LRRC8B: variants seen among roughly 807,000 people sequenced by gnomAD.
LRRC8B encodes leucine rich repeat containing 8 VRAC subunit B, also known as volume-regulated anion channel subunit LRRC8B.
Under a neutral mutation model 58.8 loss-of-function variants are expected in LRRC8B, and 23 were observed. That is an observed-to-expected ratio of 0.39 (90% confidence interval 0.28 to 0.55). LRRC8B has a LOEUF of 0.55. LRRC8B is among the 20% of genes least tolerant of loss of function. The pLI, the probability that LRRC8B is intolerant of heterozygous loss-of-function variation, is 0.62. For missense variants in LRRC8B, 694 were observed against 936.0 expected, an observed-to-expected ratio of 0.74 and a Z score of 3.37; for synonymous variants, 359 against 374.1, an observed-to-expected ratio of 0.96 and a Z score of 0.47.
rs61038847 is a variant in LRRC8B, at chr1:89,578,253, G to C, written c.-124-1338G>C. ...GAACTGTATAAGAAGAATCATGGCT[G>C]AGTAACATTTTTGAATTATGCAATA... On this transcript the variant is annotated intron_variant, in intron 3 of 5. Coordinates refer to ENST00000330947, the MANE Select transcript of LRRC8B (RefSeq NM_001369817.2). 1.7e-3 allele frequency among the ~76,000 whole-genome samples: 252 copies of C among 152,282 alleles called. 2 individuals are homozygous for C. In the East Asian group the frequency reaches 0.028, roughly 17 times the overall value.
At chr1:89,569,811 G>A (rs1210722651) in intron 3 of LRRC8B, among the ~76,000 whole-genome samples, 16 of 151,874 alleles carry the variant, frequency 1.1e-4, no homozygotes. Flanking sequence ...TATCAACCAG[G>A]GATTAAGCTG....
intron 5 of LRRC8B, among the ~76,000 whole-genome samples, chr1:89,588,944 C>T (rs749627362): frequency 1.3e-5 from 2 of 151,920 alleles, no homozygotes; most frequent in African/African-American, 2.4e-5. Flanking sequence ...TTTTGTGACC[C>T]GTAAAAATTA....
intron 1 of LRRC8B, among the ~76,000 whole-genome samples, chr1:89,552,845 GA>G (rs1422451482): frequency 6.6e-6 from 1 of 152,172 alleles, no homozygotes; most frequent in Non-Finnish European, 1.5e-5. Flanking sequence ...AGAAAATGAA[GA>G]ATTATGCTTT....
chr1:89,549,747 G>T (rs1006355302), intron 1 of LRRC8B, among the ~76,000 whole-genome samples: 2 of 152,174 alleles, frequency 1.3e-5, no homozygotes, highest in Non-Finnish European at 1.5e-5. Flanking sequence ...TGGAAGGAAG[G>T]TATTAAATGA....
At chr1:89,547,102 A>T (rs1194203722) in intron 1 of LRRC8B, among the ~76,000 whole-genome samples, 2 of 152,202 alleles carry the variant, frequency 1.3e-5, no homozygotes. Flanking sequence ...TGTCTAAGGT[A>T]TCTGCAGAGT....
intron 3 of LRRC8B, among the ~76,000 whole-genome samples, chr1:89,577,352 T>C (rs1653930048): frequency 6.6e-6 from 1 of 152,194 alleles, no homozygotes; most frequent in African/African-American, 2.4e-5. Flanking sequence ...TGGAGTAAGA[T>C]TGTCAAGTGA....
At chr1:89,561,011 A>T (rs1459333142) in intron 1 of LRRC8B, among the ~76,000 whole-genome samples, 1 of 149,662 alleles carries the variant, frequency 6.7e-6, no homozygotes, top group Non-Finnish European at 1.5e-5. Context: ...CAACAGTGTA[A>T]AAGTGTTCCT....
At chr1:89,576,949 CAG>C (rs3068064) in intron 3 of LRRC8B, among the ~76,000 whole-genome samples, 60,118 of 151,840 alleles carry the variant, frequency 0.4, 13,367 homozygotes, top group South Asian at 0.55. Context: ...GCATATTAAT[CAG>C]AGATACTGAT....
At chr1:89,556,416 A>G (rs544574123) in intron 1 of LRRC8B, among the ~76,000 whole-genome samples, 1 of 152,158 alleles carries the variant, frequency 6.6e-6, no homozygotes, top group African/African-American at 2.4e-5. Context: ...TAAATTATCA[A>G]ATTTGAAGAG....
chr1:89,530,754 G>T (rs1650063887), intron 1 of LRRC8B, among the ~76,000 whole-genome samples: 1 of 152,186 alleles, frequency 6.6e-6, no homozygotes, highest in Non-Finnish European at 1.5e-5. Context: ...CCTTCTCAAA[G>T]CGGGTGGACA....
At chr1:89,576,001 CAAA>C (rs923831780) in intron 3 of LRRC8B, among the ~76,000 whole-genome samples, 4 of 152,174 alleles carry the variant, frequency 2.6e-5, no homozygotes, top group African/African-American at 9.7e-5. Context: ...ACACATTAAA[CAAA>C]AGAAAACTGC....
intron 5 of LRRC8B, among the ~76,000 whole-genome samples, chr1:89,590,395 A>G (rs1040274864): frequency 6.6e-6 from 1 of 152,198 alleles, no homozygotes; most frequent in African/African-American, 2.4e-5. Flanking sequence ...GAAAAATTGA[A>G]TGAGAGTAGG....
rs577275303 is a variant in LRRC8B at position 89,595,527 on chromosome 1, A to G, written c.*2484A>G. On this transcript the variant is annotated 3_prime_UTR_variant, in exon 6 of 6. Transcript: ENST00000330947. ...AGAAGTCATTGGCTAAATTTTCCTT[A>G]TCACCTACGTAAATTTCTAGAAGAA... 5.0e-4 allele frequency: 76 copies of G among 152,154 alleles called. No individual in the cohort carries two copies. Among genetic ancestry groups the G allele is most frequent in the Non-Finnish European group, 4.1e-4 (28 of 67,974 alleles). 9.4% of individuals were successfully genotyped at this position (152,154 alleles called of 1,614,324 possible).
chr1:89,584,682 T>C lies in LRRC8B; in HGVS notation c.2032T>C (p.Cys678Arg). 1.2e-6 allele frequency: 2 copies of C among 1,613,962 alleles called. No individual in the cohort carries two copies. The highest frequency in any genetic ancestry group is 2.2e-5 in the East Asian group (1 of 44,882). Residue 678 changes from cysteine (C) to arginine (R), a missense_variant, in exon 5 of 6, where the codon TGC becomes CGC. This residue lies in a region of LRRC8B where 139 missense variants were observed against 158.2 expected (regional missense o/e 0.88). Transcript: ENST00000330947. Reference sequence around the variant, plus strand: ...GAATCTGCCCTTGCAGCTTTTCCTATGCACTAAACTACATTATTTGGATCT... The same window carrying C: ...GAATCTGCCCTTGCAGCTTTTCCTACGCACTAAACTACATTATTTGGATCT... ...IENLPLQLFL[C>R]TKLHYLDLSY...
intron 3 of LRRC8B, among the ~76,000 whole-genome samples, chr1:89,577,254 A>G (rs1323407915): frequency 6.6e-6 from 1 of 152,146 alleles, no homozygotes; most frequent in Non-Finnish European, 1.5e-5. Context: ...TTCACTTGTT[A>G]TTTTAGAAAT....
chr1:89,542,636 A>G (rs1651099048), intron 1 of LRRC8B, among the ~76,000 whole-genome samples: 1 of 152,190 alleles, frequency 6.6e-6, no homozygotes, highest in South Asian at 2.1e-4. Flanking sequence ...TTTTACTATT[A>G]TGAATTTACT....
chr1:89,559,458 ACT>A (rs763222482), intron 1 of LRRC8B, among the ~76,000 whole-genome samples: 9 of 151,760 alleles, frequency 5.9e-5, no homozygotes, highest in African/African-American at 1.2e-4. Context: ...ACATTGTGAG[ACT>A]CTGTCTCTAC....
chr1:89,548,173 CTA>C lies in LRRC8B; in HGVS notation c.-240-20070_-240-20069del, dbSNP rs1019931264. On this transcript the variant is annotated intron_variant, in intron 1 of 5. Transcript: ENST00000330947. Reference sequence around the variant, plus strand: ...ACATTTCACAAAGAGCACAAAATAACTATATTTTTTTCTAGCATATATTTAGA... The same window carrying C: ...ACATTTCACAAAGAGCACAAAATAACTATTTTTTTCTAGCATATATTTAGA... 3.9e-5 allele frequency among the ~76,000 whole-genome samples: 6 copies of C among 152,146 alleles called. 1 individual carries two copies. Among genetic ancestry groups the C allele is most frequent in the African/African-American group, 1.2e-4 (5 of 41,416 alleles).
intron 1 of LRRC8B, among the ~76,000 whole-genome samples, chr1:89,567,339 T>C (rs1653122333): frequency 6.6e-6 from 1 of 152,248 alleles, no homozygotes; most frequent in Admixed American, 6.5e-5. Context: ...AACTCCGCTA[T>C]ATTTTGTTAT....
Sources: gnomAD v4.1 joint callset for allele counts (sites outside exome capture counted in the v4.1 genomes callset) on GRCh38, gnomAD v4.1.1 for gene constraint, gnomAD v4.1.1 regional missense constraint, MANE v1.5 for transcripts, NCBI Gene and HGNC (gene_info 2026-07-23, HGNC 2026-07-21) for gene names.